Variants in SORD observed in about 807,000 individuals in gnomAD.
The protein encoded by SORD is (R,R)-butanediol dehydrogenase.
A neutral mutation model predicts 35.6 loss-of-function variants in SORD; 18 were observed. The observed-to-expected ratio is 0.51, with a 90% CI of 0.35 to 0.75. SORD has a LOEUF of 0.75. Among genes scored for constraint, SORD ranks in the 30% least tolerant of loss-of-function variants. SORD has a pLI of 0.01. For synonymous variants in SORD, 106 were observed against 152.9 expected (o/e 0.69, Z 2.26); for missense variants, 250 against 390.2 (o/e 0.64, Z 3.03).
At chr15:45,040,489 T>G (rs756949227) in intron 2 of SORD, 48 bp downstream of exon 2, 2 of 1,377,466 alleles carry the variant, frequency 1.5e-6, no homozygotes, top group African/African-American at 1.4e-5. Flanking sequence ...TCCTGTTGTT[T>G]CCTTTGGAGT....
chr15:45,066,276 G>A (rs1893403370), intron 5 of SORD, among the ~76,000 whole-genome samples: 1 of 151,218 alleles, frequency 6.6e-6, no homozygotes, highest in Non-Finnish European at 1.5e-5. Context: ...AATTAATCTG[G>A]CGATTATTTT....
At chr15:45,042,217 C>A (rs181060519) in intron 2 of SORD, 1 of 152,126 alleles carries the variant, frequency 6.6e-6, no homozygotes. Flanking sequence ...ACTGGCCAGG[C>A]GCGGTGGCTT....
intron 3 of SORD, among the ~76,000 whole-genome samples, chr15:45,048,424 T>C (rs988723973): frequency 9.2e-5 from 14 of 152,084 alleles, no homozygotes; most frequent in African/African-American, 3.4e-4. Flanking sequence ...GAAAAACAAC[T>C]AGAGATGGAC....
At chr15:45,052,056 GTCT>G (rs1893133163) in intron 3 of SORD, among the ~76,000 whole-genome samples, 1 of 152,132 alleles carries the variant, frequency 6.6e-6, no homozygotes, top group Non-Finnish European at 1.5e-5. Context: ...ACATTTCCAT[GTCT>G]TCTTATAATC....
At chr15:45,035,083 C>A (rs931301435) in intron 1 of SORD, among the ~76,000 whole-genome samples, 2 of 152,142 alleles carry the variant, frequency 1.3e-5, no homozygotes, top group African/African-American at 2.4e-5. Context: ...GGGCAGGGCT[C>A]GGGACCTGCA....
intron 1 of SORD, among the ~76,000 whole-genome samples, chr15:45,037,851 T>G (rs1892894802): frequency 6.6e-6 from 1 of 151,802 alleles, no homozygotes; most frequent in Non-Finnish European, 1.5e-5. Flanking sequence ...ACCTAATGCA[T>G]GTGGGGCTTC....
At chr15:45,035,346 T>C (rs555913137) in intron 1 of SORD, among the ~76,000 whole-genome samples, 92 of 152,292 alleles carry the variant, frequency 6.0e-4, no homozygotes, top group African/African-American at 2.1e-3. Context: ...TCAGAGCTTG[T>C]AAATATACCA....
At chr15:45,045,252 G>A (rs1235570081) in intron 3 of SORD, among the ~76,000 whole-genome samples, 1 of 152,046 alleles carries the variant, frequency 6.6e-6, no homozygotes, top group African/African-American at 2.4e-5. Context: ...AAGAGGAAGC[G>A]AATGGCTGGG....
chr15:45,047,108 A>T (rs1343535511), intron 3 of SORD: 1 of 152,192 alleles, frequency 6.6e-6, no homozygotes, highest in African/African-American at 2.4e-5. Flanking sequence ...TTTTTTTAAG[A>T]CTAGTCAAGT....
intron 3 of SORD, among the ~76,000 whole-genome samples, chr15:45,051,889 G>A (rs1339106206): frequency 2.0e-5 from 3 of 152,068 alleles, no homozygotes; most frequent in Non-Finnish European, 2.9e-5. Context: ...CTCAATTTAT[G>A]TAAAAAACAT....
chr15:45,035,413 C>G (rs1892847311), intron 1 of SORD, among the ~76,000 whole-genome samples: 1 of 151,888 alleles, frequency 6.6e-6, no homozygotes, highest in South Asian at 2.1e-4. Flanking sequence ...CACCCTGTGT[C>G]GAGCTCAGGG....
chr15:45,026,009 G>C (rs1892662323), intron 1 of SORD, among the ~76,000 whole-genome samples: 1 of 152,186 alleles, frequency 6.6e-6, no homozygotes, highest in Non-Finnish European at 1.5e-5. Context: ...ACCCTGGAGA[G>C]AGCCCCAACA....
chr15:45,034,891 C>T (rs1157018695), intron 1 of SORD, among the ~76,000 whole-genome samples: 2 of 152,218 alleles, frequency 1.3e-5, no homozygotes, highest in Non-Finnish European at 2.9e-5. Context: ...AGCTGGAGTT[C>T]CGGGTAGGCG....
intron 3 of SORD, among the ~76,000 whole-genome samples, chr15:45,053,450 C>A (rs1018991084): frequency 8.5e-5 from 13 of 152,116 alleles, no homozygotes; most frequent in Admixed American, 2.0e-4. Context: ...ACATCAGATA[C>A]CTAAGGAGAC....
intron 3 of SORD, among the ~76,000 whole-genome samples, chr15:45,045,183 A>G (rs1372828085): frequency 6.6e-6 from 1 of 152,144 alleles, no homozygotes; most frequent in Non-Finnish European, 1.5e-5. Flanking sequence ...CAGCATCTTC[A>G]TACTTGAGAA....
chr15:45,032,774 C>A (rs1892806667), intron 1 of SORD, among the ~76,000 whole-genome samples: 1 of 152,154 alleles, frequency 6.6e-6, no homozygotes, highest in Admixed American at 6.5e-5. Context: ...TTGCCAGGAC[C>A]AACACAGCTA....
At chr15:45,050,200 G>A (rs537042672) in intron 3 of SORD, among the ~76,000 whole-genome samples, 1 of 152,140 alleles carries the variant, frequency 6.6e-6, no homozygotes, top group Non-Finnish European at 1.5e-5. Flanking sequence ...TCCTGCCTCA[G>A]CCTCCTGAGT....
At chr15:45,068,446 A>T (rs1051255555) in intron 6 of SORD, among the ~76,000 whole-genome samples, 200 bp downstream of exon 6, 6 of 120,398 alleles carry the variant, frequency 5.0e-5, no homozygotes, top group Non-Finnish European at 7.9e-5. Flanking sequence ...TTTGTGTGAG[A>T]GAGTGTGTGT....
At chr15:45,061,322 C>G in intron 4 of SORD, 96 bp downstream of exon 4, 1 of 1,381,302 alleles carries the variant, frequency 7.2e-7, no homozygotes, top group South Asian at 1.3e-5. Flanking sequence ...CTTTTCAGCT[C>G]ATAATTCCAA....
Sources: gnomAD v4.1 joint callset for allele counts (sites outside exome capture counted in the v4.1 genomes callset) on GRCh38, gnomAD v4.1.1 for gene constraint, MANE v1.5 for transcripts, NCBI Gene and HGNC (gene_info 2026-07-23, HGNC 2026-07-21) for gene names.